Variants in JAM3 observed in about 807,000 individuals in gnomAD.
JAM3 encodes junctional adhesion molecule C.
In JAM3, 31 loss-of-function variants were observed where a neutral mutation model predicts 39.4. That is an observed-to-expected ratio of 0.79 (90% CI 0.59 to 1.06). JAM3 has a LOEUF of 1.06. Ranked by LOEUF, JAM3 falls within the 50% of genes least tolerant of loss-of-function variation. The pLI is 0.00. For missense variants in JAM3, 455 were observed against 391.4 expected (o/e 1.16, Z -1.37); for synonymous variants, 182 against 148.7 (o/e 1.22, Z -1.63).
intron 1 of JAM3, among the ~76,000 whole-genome samples, chr11:134,121,917 C>T (rs1215175738): frequency 2.6e-5 from 4 of 152,124 alleles, no homozygotes; most frequent in African/African-American, 9.7e-5. Context: ...TTGATCAAAA[C>T]ACTTGGAGTC....
chr11:134,098,034 A>G (rs1028361737), intron 1 of JAM3, among the ~76,000 whole-genome samples: 5 of 152,056 alleles, frequency 3.3e-5, no homozygotes, highest in African/African-American at 1.2e-4. Flanking sequence ...CACGCAGGAA[A>G]CATCTCCTTT....
chr11:134,129,567 T>A (rs1942724800), intron 1 of JAM3, among the ~76,000 whole-genome samples: 2 of 152,212 alleles, frequency 1.3e-5, no homozygotes, highest in Admixed American at 6.5e-5. Flanking sequence ...GGTCCCTAGA[T>A]AGCAAGTAGA....
intron 1 of JAM3, among the ~76,000 whole-genome samples, chr11:134,124,575 C>T (rs549144455): frequency 7.9e-5 from 12 of 152,288 alleles, no homozygotes; most frequent in African/African-American, 2.4e-4. Flanking sequence ...TGGATACCTT[C>T]GGACTCCAAA....
intron 1 of JAM3, among the ~76,000 whole-genome samples, chr11:134,112,277 G>A (rs1028513643): frequency 1.3e-5 from 2 of 151,976 alleles, no homozygotes; most frequent in Non-Finnish European, 2.9e-5. Flanking sequence ...TAGTAGAGAC[G>A]GGGTTTAACC....
At chr11:134,096,201 A>G (rs984499377) in intron 1 of JAM3, among the ~76,000 whole-genome samples, 2 of 151,638 alleles carry the variant, frequency 1.3e-5, no homozygotes, top group African/African-American at 4.9e-5. Flanking sequence ...CTGGTCTCGA[A>G]CTCCTGGCTT....
chr11:134,127,325 C>G (rs1438362929), intron 1 of JAM3, among the ~76,000 whole-genome samples: 2 of 152,222 alleles, frequency 1.3e-5, no homozygotes, highest in Non-Finnish European at 2.9e-5. Context: ...ACTTCCTTCC[C>G]TACTTCTGGA....
intron 1 of JAM3, among the ~76,000 whole-genome samples, chr11:134,085,035 A>G (rs908475993): frequency 2.6e-5 from 4 of 152,208 alleles, no homozygotes; most frequent in African/African-American, 9.6e-5. Context: ...AATGGCTGCC[A>G]GGAATACTCT....
chr11:134,113,182 T>C (rs1942350119), intron 1 of JAM3, among the ~76,000 whole-genome samples: 1 of 149,468 alleles, frequency 6.7e-6, no homozygotes. Flanking sequence ...ATGTGGGTTC[T>C]GGGACTGGAC....
At chr11:134,133,773 C>T (rs1313572259) in intron 1 of JAM3, among the ~76,000 whole-genome samples, 1 of 152,146 alleles carries the variant, frequency 6.6e-6, no homozygotes, top group African/African-American at 2.4e-5. Flanking sequence ...TCCTTCCCCC[C>T]TACACACACA....
chr11:134,125,197 G>A (rs184462374), intron 1 of JAM3, among the ~76,000 whole-genome samples: 3 of 152,234 alleles, frequency 2.0e-5, no homozygotes, highest in South Asian at 2.1e-4. Flanking sequence ...CGCTGCACGG[G>A]CAGCCAAAAG....
intron 1 of JAM3, among the ~76,000 whole-genome samples, chr11:134,071,246 G>A (rs1210268503): frequency 6.6e-6 from 1 of 152,152 alleles, no homozygotes; most frequent in African/African-American, 2.4e-5. Flanking sequence ...CTAAGAAGTC[G>A]TTACTATTGT....
intron 2 of JAM3, 57 bp downstream of exon 2, chr11:134,139,973 C>CCTGAG: frequency 7.5e-7 from 1 of 1,330,636 alleles, no homozygotes; most frequent in Non-Finnish European, 1.1e-6. Context: ...CATTTGATGT[C>CCTGAG]TTGCAGCCAA....
chr11:134,124,647 G>A (rs1039093030), intron 1 of JAM3, among the ~76,000 whole-genome samples: 2 of 152,162 alleles, frequency 1.3e-5, no homozygotes, highest in African/African-American at 2.4e-5. Flanking sequence ...AGTTAAAAGT[G>A]TAGGTCGCTT....
chr11:134,125,570 G>C (rs906490997), intron 1 of JAM3, among the ~76,000 whole-genome samples: 2 of 152,128 alleles, frequency 1.3e-5, no homozygotes, highest in African/African-American at 4.8e-5. Context: ...CTTTGTACTT[G>C]TAGCCATTGA....
intron 1 of JAM3, among the ~76,000 whole-genome samples, chr11:134,111,933 A>G (rs747443767): frequency 2.3e-4 from 35 of 152,176 alleles, no homozygotes; most frequent in Non-Finnish European, 4.3e-4. Flanking sequence ...AGCGATCTGA[A>G]GTCCAGCCTC....
chr11:134,071,353 A>T (rs1207345550), intron 1 of JAM3, among the ~76,000 whole-genome samples: 1 of 152,196 alleles, frequency 6.6e-6, no homozygotes, highest in Non-Finnish European at 1.5e-5. Context: ...ATCCTTCATT[A>T]TTTGTGTTAA....
At chr11:134,098,482 C>T (rs470437) in intron 1 of JAM3, among the ~76,000 whole-genome samples, 17,612 of 152,174 alleles carry the variant, frequency 0.12, 1,305 homozygotes, top group East Asian at 0.3. Context: ...AAGACTATTT[C>T]TACCTGTGCC....
At chr11:134,088,377 G>A (rs992885553) in intron 1 of JAM3, among the ~76,000 whole-genome samples, 4 of 150,922 alleles carry the variant, frequency 2.7e-5, no homozygotes, top group African/African-American at 4.9e-5. Context: ...AAATGCTTAC[G>A]AAATGCTTGG....
chr11:134,088,899 C>T (rs1033784985), intron 1 of JAM3, among the ~76,000 whole-genome samples: 1 of 152,230 alleles, frequency 6.6e-6, no homozygotes, highest in Non-Finnish European at 1.5e-5. Flanking sequence ...AAGCGATTCT[C>T]CTGCCTCAGC....
Sources: gnomAD v4.1 joint callset for allele counts (sites outside exome capture counted in the v4.1 genomes callset) on GRCh38, gnomAD v4.1.1 for gene constraint, MANE v1.5 for transcripts, NCBI Gene and HGNC (gene_info 2026-07-23, HGNC 2026-07-21) for gene names.